Variants in RPS6KA2 observed in about 807,000 individuals in gnomAD.
RPS6KA2 encodes ribosomal protein S6 kinase alpha-2.
RPS6KA2 carries 42 observed loss-of-function variants against 91.8 expected under a neutral mutation model. That is an observed-to-expected ratio of 0.46 (90% confidence interval 0.36 to 0.59). The LOEUF (loss-of-function observed/expected upper bound fraction) is 0.59, where lower values mean the gene tolerates loss of function less well. Among genes scored for constraint, RPS6KA2 ranks in the 20% least tolerant of loss-of-function variants. The pLI is 0.00. For missense variants in RPS6KA2, 798 were observed against 978.5 expected, an observed-to-expected ratio of 0.82 and a Z score of 2.46; for synonymous variants, 414 against 393.6, an observed-to-expected ratio of 1.05 and a Z score of -0.61.
rs980137986 is a variant in RPS6KA2, at chr6:166,412,709, C to G, written c.*53G>C. The G allele has an allele frequency of 4.6e-6, 7 of 1,530,836 alleles. No individual in the cohort carries two copies. The highest frequency in any genetic ancestry group is 2.7e-5 in the African/African-American group (2 of 73,502). The allele number at this position is 1,530,836 out of a possible 1,614,324, so 94.8% of individuals were successfully genotyped here. ...GCCAGACGGGCTCCGAGGCCGGGGT[C>G]TGTGAGCCCACGAGGATGCTGGCAG... On this transcript the variant is annotated 3_prime_UTR_variant, in exon 21 of 21. Transcript: ENST00000265678. This position sits in a 1 kb window ranked among gnomAD's most constrained non-coding sequence, Gnocchi z 4.3.
intron 1 of RPS6KA2, among the ~76,000 whole-genome samples, chr6:166,570,748 A>G (rs1784662922): frequency 6.6e-6 from 1 of 152,240 alleles, no homozygotes. Flanking sequence ...TTACTCCTAA[A>G]TATTTAATAG....
At chr6:166,446,720 A>C (rs1779690776) in intron 14 of RPS6KA2, among the ~76,000 whole-genome samples, 1 of 152,266 alleles carries the variant, frequency 6.6e-6, no homozygotes, top group South Asian at 2.1e-4. Context: ...AGAGGCACAA[A>C]ATGGGGGCTG....
chr6:166,467,675 G>T (rs1780595109), intron 11 of RPS6KA2, among the ~76,000 whole-genome samples: 1 of 152,242 alleles, frequency 6.6e-6, no homozygotes, highest in Admixed American at 6.5e-5. Flanking sequence ...GATGGGAGGG[G>T]TGAGGTGTGG....
At chr6:166,836,319 T>C (rs1178592634) in intron 2 of RPS6KA2, among the ~76,000 whole-genome samples, 1 of 152,184 alleles carries the variant, frequency 6.6e-6, no homozygotes, top group Non-Finnish European at 1.5e-5. Flanking sequence ...GAATTGGTAA[T>C]ATTTCTTCCT....
At chr6:166,790,249 A>G (rs550548267) in intron 2 of RPS6KA2, among the ~76,000 whole-genome samples, 1 of 152,346 alleles carries the variant, frequency 6.6e-6, no homozygotes, top group East Asian at 1.9e-4. Flanking sequence ...GATCAACTGG[A>G]AGAAAGGGTA....
intron 2 of RPS6KA2, among the ~76,000 whole-genome samples, chr6:166,834,379 T>C (rs1780264729): frequency 1.3e-5 from 2 of 152,214 alleles, no homozygotes; most frequent in East Asian, 3.9e-4. Flanking sequence ...GAATACCACA[T>C]GTTCTCTCTT....
Position 166,435,042 on chromosome 6 carries a change from A to G in RPS6KA2, c.1333-2552T>C, listed in dbSNP as rs1779251786. 6.6e-6 allele frequency among the ~76,000 whole-genome samples: 1 copy of G among 152,222 alleles called. No individual in the cohort carries two copies. The highest frequency in any genetic ancestry group is 2.4e-5 in the African/African-American group (1 of 41,456). On this transcript the variant is annotated intron_variant, in intron 14 of 20. Coordinates refer to ENST00000265678, the MANE Select transcript of RPS6KA2 (RefSeq NM_021135.6). The surrounding 1 kb of genome is among the most constrained non-coding windows in gnomAD (Gnocchi z 4.3). ...GAATTTTTAAAAATTTTGAACCACA[A>G]GAATATATTGTCTATTCAAAATATG...
At chr6:166,475,995 C>A (rs1780959247) in intron 10 of RPS6KA2, among the ~76,000 whole-genome samples, 1 of 152,184 alleles carries the variant, frequency 6.6e-6, no homozygotes, top group South Asian at 2.1e-4. Flanking sequence ...CCCTAATCCC[C>A]AATATCCCCA....
At chr6:166,834,818 G>A (rs986504248) in intron 2 of RPS6KA2, among the ~76,000 whole-genome samples, 3 of 86,200 alleles carry the variant, frequency 3.5e-5, no homozygotes, top group Non-Finnish European at 5.1e-5. Flanking sequence ...TCTTTAGTTT[G>A]TATGGCGTCC....
intron 2 of RPS6KA2, among the ~76,000 whole-genome samples, chr6:166,696,971 C>G (rs1039208314): frequency 1.3e-5 from 2 of 152,152 alleles, no homozygotes; most frequent in African/African-American, 4.8e-5. Flanking sequence ...GGACTTCAGC[C>G]TGCCAACTGC....
chr6:166,514,010 T>C (rs3778421), intron 3 of RPS6KA2, among the ~76,000 whole-genome samples: 3,966 of 152,298 alleles, frequency 0.026, 169 homozygotes, highest in African/African-American at 0.088. Context: ...GGATTCTGCG[T>C]GCTGGTCAGA....
chr6:166,501,553 C>T (rs16899021), intron 6 of RPS6KA2, among the ~76,000 whole-genome samples: 2,326 of 152,334 alleles, frequency 0.015, 68 homozygotes, highest in African/African-American at 0.054. Flanking sequence ...GCCCTTGTCA[C>T]GCCATGTGCC....
At chr6:166,570,302 G>T (rs531611901) in intron 1 of RPS6KA2, among the ~76,000 whole-genome samples, 2 of 152,288 alleles carry the variant, frequency 1.3e-5, no homozygotes, top group South Asian at 4.1e-4. Context: ...TCCTCAAAGA[G>T]AGGCACAAGA....
At chr6:166,569,610 C>T (rs574438487) in intron 1 of RPS6KA2, among the ~76,000 whole-genome samples, 3 of 152,340 alleles carry the variant, frequency 2.0e-5, no homozygotes, top group African/African-American at 4.8e-5. Flanking sequence ...TTTCTGGTCA[C>T]TCCCAGGACT....
intron 3 of RPS6KA2, among the ~76,000 whole-genome samples, chr6:166,516,155 A>T (rs1466911306): frequency 5.3e-5 from 8 of 152,194 alleles, no homozygotes; most frequent in African/African-American, 1.9e-4. Flanking sequence ...AACTTTTTAA[A>T]TTAACTGAGA....
chr6:166,590,493 GC>G (rs2128521053), intron 1 of RPS6KA2, among the ~76,000 whole-genome samples: 1 of 152,304 alleles, frequency 6.6e-6, no homozygotes, highest in South Asian at 2.1e-4. Flanking sequence ...CATGCCATCA[GC>G]CTGCCCCAGA....
rs1779904388 is a variant in RPS6KA2, at chr6:166,451,232, G to A, written c.1077C>T (p.Asp359=). 1 of 1,613,756 alleles carries A rather than the reference G, an allele frequency of 6.2e-7. No individual in the cohort carries two copies. Among genetic ancestry groups the A allele is most frequent in the African/African-American group, 1.3e-5 (1 of 74,890 alleles). Residue 359 remains aspartate, a splice_region_variant and synonymous_variant, in exon 13 of 21, where the codon GAC becomes GAT. Transcript: ENST00000265678. The part of the protein sequence containing the change: ...DPEFTARTPT[D]SPGVPPSANA... ...TTGCACTCGGGGGGACGCCAGGAGA[G>A]TCTGTAGGTGACAGGGGCAGAGTTC...
intron 2 of RPS6KA2, among the ~76,000 whole-genome samples, chr6:166,706,533 C>A (rs1428752986): frequency 6.6e-6 from 1 of 152,204 alleles, no homozygotes; most frequent in East Asian, 1.9e-4. Flanking sequence ...GCGTCCCCTG[C>A]CGTGACTGCA....
chr6:166,700,217 G>C (rs1219923172), intron 2 of RPS6KA2, among the ~76,000 whole-genome samples: 1 of 152,194 alleles, frequency 6.6e-6, no homozygotes, highest in Non-Finnish European at 1.5e-5. Flanking sequence ...CACTTTGTTA[G>C]TACCATCAGA....
Sources: allele counts gnomAD v4.1 joint callset (sites outside exome capture counted in the v4.1 genomes callset), GRCh38; gene constraint gnomAD v4.1.1; non-coding constraint Gnocchi (gnomAD v3.1); transcripts MANE v1.5; gene names NCBI Gene and HGNC (gene_info 2026-07-23, HGNC 2026-07-21).